CTNNA3: variants seen among roughly 807,000 people sequenced by gnomAD.
CTNNA3 encodes catenin alpha 3, also known as catenin alpha-3.
A neutral mutation model predicts 95.7 loss-of-function variants in CTNNA3; 76 were observed. That is an observed-to-expected ratio of 0.79 (90% confidence interval 0.66 to 0.96). The LOEUF is 0.96. CTNNA3 is among the 40% of genes least tolerant of loss of function. CTNNA3 has a pLI of 0.00. For synonymous variants in CTNNA3, 431 were observed against 374.4 expected (o/e 1.15, Z -1.74); for missense variants, 1,191 against 1,089.8 (o/e 1.09, Z -1.31).
chr10:66,055,880 C>G (rs2080073830), intron 15 of CTNNA3, among the ~76,000 whole-genome samples: 2 of 142,728 alleles, frequency 1.4e-5, no homozygotes, highest in African/African-American at 5.2e-5. Context: ...CAAGGTCACA[C>G]CACTGCACTC....
chr10:67,311,937 C>G (rs1039477448), intron 5 of CTNNA3, among the ~76,000 whole-genome samples: 1 of 151,972 alleles, frequency 6.6e-6, no homozygotes, highest in African/African-American at 2.4e-5. Context: ...ATTATATCAA[C>G]TTTTTAGTCA....
chr10:67,692,736 TAA>T (rs200961420), intron 1 of CTNNA3, among the ~76,000 whole-genome samples: 96 of 80,824 alleles, frequency 1.2e-3, no homozygotes, highest in Middle Eastern at 7.5e-3. Context: ...GAATGATCAA[TAA>T]AAAAAAAAAA....
At chr10:67,376,473 C>T (rs1217185522) in intron 5 of CTNNA3, among the ~76,000 whole-genome samples, 1 of 152,164 alleles carries the variant, frequency 6.6e-6, no homozygotes, top group African/African-American at 2.4e-5. Context: ...AAGTCCTCAT[C>T]AAACAGTTGA....
chr10:66,688,697 C>A (rs1405333270), intron 9 of CTNNA3, among the ~76,000 whole-genome samples: 1 of 152,024 alleles, frequency 6.6e-6, no homozygotes, highest in Non-Finnish European at 1.5e-5. Flanking sequence ...ACCGGCCGGG[C>A]GCGGTGGCTC....
chr10:67,600,456 C>A (rs1029646292), intron 3 of CTNNA3, among the ~76,000 whole-genome samples: 3 of 152,000 alleles, frequency 2.0e-5, no homozygotes, highest in Admixed American at 6.6e-5. Context: ...ATACCTACAA[C>A]TAACAAAAGG....
At chr10:67,487,645 TAG>T (rs1468951279) in intron 5 of CTNNA3, among the ~76,000 whole-genome samples, 4 of 152,298 alleles carry the variant, frequency 2.6e-5, no homozygotes, top group Middle Eastern at 3.4e-3. Context: ...TCTGAAAAGC[TAG>T]AGTTGTAACC....
chr10:66,092,266 C>T (rs757254914), intron 14 of CTNNA3, among the ~76,000 whole-genome samples: 1 of 151,974 alleles, frequency 6.6e-6, no homozygotes, highest in Non-Finnish European at 1.5e-5. Context: ...TGGTTTTTAA[C>T]TTTCTGCTTC....
At chr10:66,882,525 G>A (rs568424251) in intron 7 of CTNNA3, among the ~76,000 whole-genome samples, 1 of 152,240 alleles carries the variant, frequency 6.6e-6, no homozygotes, top group South Asian at 2.1e-4. Flanking sequence ...TGCATTGACG[G>A]TTCTTACAGA....
In CTNNA3 at chr10:67,508,374, C is replaced by T. The variant is rs138009676; in HGVS notation, c.579+13468G>A. Among the ~76,000 whole-genome samples, 15 of 152,166 alleles carry T rather than the reference C, an allele frequency of 9.9e-5. No homozygotes were observed. In the East Asian group the frequency reaches 2.7e-3, roughly 27 times the overall value. On this transcript the variant is annotated intron_variant, in intron 5 of 17. Transcript: ENST00000433211. ...ACAAGCCCATAGTTAGTGTTATGCT[C>T]AATAGTGAAAAGTTGCCAAAAATAC...
chr10:67,467,279 C>T (rs115442010), intron 5 of CTNNA3, among the ~76,000 whole-genome samples: 7 of 152,292 alleles, frequency 4.6e-5, no homozygotes, highest in African/African-American at 1.7e-4. Context: ...TTTTTGACTA[C>T]ACATTATTGT....
intron 12 of CTNNA3, among the ~76,000 whole-genome samples, chr10:66,341,339 G>A (rs1464504814): frequency 6.6e-6 from 1 of 151,782 alleles, no homozygotes; most frequent in African/African-American, 2.4e-5. Context: ...AGATAATAAA[G>A]GACTTAAATA....
intron 13 of CTNNA3, among the ~76,000 whole-genome samples, chr10:66,139,530 G>A (rs2083509564): frequency 6.6e-6 from 1 of 152,106 alleles, no homozygotes; most frequent in Non-Finnish European, 1.5e-5. Context: ...GCCTCTTTAT[G>A]TGTGTTCAGA....
At chr10:65,948,401 T>A (rs946138379) in intron 17 of CTNNA3, among the ~76,000 whole-genome samples, 1 of 151,810 alleles carries the variant, frequency 6.6e-6, no homozygotes, top group African/African-American at 2.4e-5. Context: ...AGAAAGAGTA[T>A]AGATCACTTT....
At chr10:66,042,245 A>C (rs2079709867) in intron 15 of CTNNA3, among the ~76,000 whole-genome samples, 1 of 152,298 alleles carries the variant, frequency 6.6e-6, no homozygotes, top group South Asian at 2.1e-4. Flanking sequence ...ATAAAACTGC[A>C]GGTTTATTTA....
chr10:66,493,185 A>T (rs1466537538), intron 11 of CTNNA3, among the ~76,000 whole-genome samples: 1 of 152,214 alleles, frequency 6.6e-6, no homozygotes, highest in Non-Finnish European at 1.5e-5. Context: ...CAATGGTGAT[A>T]CAATTACAAA....
intron 7 of CTNNA3, among the ~76,000 whole-genome samples, chr10:66,905,634 T>C (rs919284450): frequency 1.3e-5 from 2 of 152,134 alleles, no homozygotes; most frequent in Admixed American, 6.6e-5. Flanking sequence ...TGATCATGAC[T>C]AGATAAAGAA....
chr10:67,300,316 A>G (rs1348141825), intron 5 of CTNNA3, among the ~76,000 whole-genome samples: 2 of 152,206 alleles, frequency 1.3e-5, no homozygotes, highest in Non-Finnish European at 2.9e-5. Flanking sequence ...TCACTGTCAA[A>G]CCATCATGAA....
At chr10:67,443,097 C>T (rs1225441914) in intron 5 of CTNNA3, among the ~76,000 whole-genome samples, 1 of 149,900 alleles carries the variant, frequency 6.7e-6, no homozygotes, top group Non-Finnish European at 1.5e-5. Flanking sequence ...TTTCCAATTT[C>T]ATCCATGTCC....
rs199901632 is a variant in CTNNA3 at position 66,553,090 on chromosome 10, G to GC, written c.1375-32318dup. On this transcript the variant is annotated intron_variant, in intron 10 of 17. Coordinates refer to ENST00000433211, the MANE Select transcript of CTNNA3 (RefSeq NM_013266.4). ...CTTAAATTCTATTTTCTCTATACTAGCAGTATACTGGTATTTAATATGCTT... is the reference window on the plus strand; with the variant it reads ...CTTAAATTCTATTTTCTCTATACTAGCCAGTATACTGGTATTTAATATGCTT... Among the ~76,000 whole-genome samples the GC allele has an allele frequency of 8.5e-3, 1,292 of 151,802 alleles. 20 individuals carry two copies. Among genetic ancestry groups the GC allele is most frequent in the African/African-American group, 0.03 (1,226 of 41,384 alleles).
Sources: gnomAD v4.1 joint callset for allele counts (sites outside exome capture counted in the v4.1 genomes callset) on GRCh38, gnomAD v4.1.1 for gene constraint, MANE v1.5 for transcripts, NCBI Gene and HGNC (gene_info 2026-07-23, HGNC 2026-07-21) for gene names.